The following ARHGAP6 variants were observed in gnomAD, a reference collection of about 807,000 sequenced individuals.
ARHGAP6 encodes the protein rho GTPase-activating protein 6.
Under a neutral mutation model 55.7 loss-of-function variants are expected in ARHGAP6, and 16 were observed. The observed-to-expected ratio is 0.29, with a 90% CI of 0.19 to 0.44. ARHGAP6 has a LOEUF of 0.44. Ranked by LOEUF, ARHGAP6 falls within the 20% of genes least tolerant of loss-of-function variation. The pLI is 1.00. For missense variants in ARHGAP6, 698 were observed against 808.9 expected (o/e 0.86, Z 1.66); for synonymous variants, 382 against 360.9 (o/e 1.06, Z -0.66).
At chrX:11,216,111 G>A (rs1053812162) in intron 2 of ARHGAP6, among the ~76,000 whole-genome samples, 1 of 108,786 alleles carries the variant, frequency 9.2e-6, no homozygotes, top group African/African-American at 3.4e-5. Context: ...GTATAGCGCT[G>A]CTTTAAAGCT....
intron 10 of ARHGAP6, chrX:11,145,103 A>C (rs2045671687): frequency 8.9e-6 from 1 of 112,389 alleles, no homozygotes; most frequent in Non-Finnish European, 1.9e-5. Context: ...ACCCTCCTCA[A>C]AACTGGCCCT....
chrX:11,358,428 T>C (rs1222514224), intron 1 of ARHGAP6, among the ~76,000 whole-genome samples: 1 of 98,450 alleles, frequency 1.0e-5, no homozygotes, highest in African/African-American at 3.9e-5. Context: ...ACGTTTTAAC[T>C]GTATCTTTCT....
chrX:11,469,896 G>A (rs919973393), intron 1 of ARHGAP6, among the ~76,000 whole-genome samples: 8 of 111,217 alleles, frequency 7.2e-5, no homozygotes, highest in Non-Finnish European at 1.3e-4. Context: ...AATGGGATTC[G>A]GTTCCACAGT....
intron 2 of ARHGAP6, among the ~76,000 whole-genome samples, chrX:11,224,535 A>C (rs772610379): frequency 1.1e-4 from 12 of 111,808 alleles, no homozygotes; most frequent in African/African-American, 3.3e-4. Flanking sequence ...CATAGGGATT[A>C]AGAAGTTAAA....
chrX:11,596,337 T>C (rs1223924731), intron 1 of ARHGAP6, among the ~76,000 whole-genome samples: 1 of 110,878 alleles, frequency 9.0e-6, no homozygotes, highest in South Asian at 3.9e-4. Flanking sequence ...AAACCAAACA[T>C]CGCATGTTGT....
chrX:11,350,911 CA>C (rs962920635), intron 1 of ARHGAP6, among the ~76,000 whole-genome samples: 2 of 111,148 alleles, frequency 1.8e-5, no homozygotes, highest in Admixed American at 1.9e-4. Context: ...TTCTGACCAA[CA>C]AAAAAACCTA....
chrX:11,318,686 CTAAA>C (rs1337962076), intron 1 of ARHGAP6: 2 of 113,101 alleles, frequency 1.8e-5, no homozygotes, highest in Middle Eastern at 7.3e-4. Context: ...CTGCACCAAT[CTAAA>C]TAAATTATAT....
At chrX:11,468,354 T>C (rs1451151409) in intron 1 of ARHGAP6, among the ~76,000 whole-genome samples, 1 of 112,248 alleles carries the variant, frequency 8.9e-6, no homozygotes, top group Non-Finnish European at 1.9e-5. Flanking sequence ...TTGAAGAAAT[T>C]ATGCTGAATG....
chrX:11,219,203 C>T, intron 2 of ARHGAP6, among the ~76,000 whole-genome samples: 2 of 102,955 alleles, frequency 1.9e-5, no homozygotes, highest in Admixed American at 2.1e-4. Context: ...CATGTCCCTA[C>T]AAAGGACATG....
chrX:11,515,057 G>A (rs1411235621), intron 1 of ARHGAP6, among the ~76,000 whole-genome samples: 4 of 111,541 alleles, frequency 3.6e-5, no homozygotes, highest in African/African-American at 6.5e-5. Flanking sequence ...GGAGCACAAC[G>A]TTGAAAAAGC....
intron 1 of ARHGAP6, among the ~76,000 whole-genome samples, chrX:11,390,138 T>C (rs953263797): frequency 8.9e-6 from 1 of 112,178 alleles, no homozygotes; most frequent in Non-Finnish European, 1.9e-5. Flanking sequence ...TTCAGCTTTC[T>C]ACATATGGCT....
At chrX:11,177,653 T>A (rs2046251630) in intron 8 of ARHGAP6, among the ~76,000 whole-genome samples, 1 of 111,666 alleles carries the variant, frequency 9.0e-6, no homozygotes, top group Non-Finnish European at 1.9e-5. Flanking sequence ...ATAGTGCAGA[T>A]GGGAGCTCCA....
intron 2 of ARHGAP6, among the ~76,000 whole-genome samples, chrX:11,246,104 T>C (rs959374371): frequency 9.1e-6 from 1 of 110,378 alleles, no homozygotes; most frequent in African/African-American, 3.3e-5. Flanking sequence ...GGAAAGTAGG[T>C]AGGGGTTCTA....
At chrX:11,254,110 C>T (rs1695063173) in intron 2 of ARHGAP6, among the ~76,000 whole-genome samples, 1 of 111,392 alleles carries the variant, frequency 9.0e-6, no homozygotes, top group South Asian at 3.8e-4. Flanking sequence ...GAGTTAGGTT[C>T]GGTAAAATCC....
intron 1 of ARHGAP6, among the ~76,000 whole-genome samples, chrX:11,549,499 C>A (rs1601635003): frequency 1.8e-5 from 2 of 111,931 alleles, no homozygotes; most frequent in East Asian, 5.5e-4. Flanking sequence ...TTTAGAAGCC[C>A]CAGGGGTGAA....
rs768572403 is a variant in ARHGAP6 at position 11,399,366 on chromosome X, A to G, written c.589-144659T>C. ...CACAATAAGCAATCAAAAAAAAAAA[A>G]AAAAAAAAAAACCACTGGCTTAAAT... On this transcript the variant is annotated intron_variant, in intron 1 of 12. Coordinates refer to ENST00000337414, the MANE Select transcript of ARHGAP6 (RefSeq NM_013427.3). Among the ~76,000 whole-genome samples, 5 of 108,935 alleles carry G rather than the reference A, an allele frequency of 4.6e-5. No homozygotes were observed. The East Asian group carries it at 1.4e-3, about 31-fold the overall frequency. The allele number at this position is 108,935 out of a possible 115,157, so 94.6% of individuals were successfully genotyped here.
At chrX:11,451,623 T>C (rs760130057) in intron 1 of ARHGAP6, among the ~76,000 whole-genome samples, 25 of 112,013 alleles carry the variant, frequency 2.2e-4, no homozygotes, top group Non-Finnish European at 4.1e-4. Context: ...ACTTTCAGCT[T>C]TGCTTTTGCT....
intron 1 of ARHGAP6, among the ~76,000 whole-genome samples, chrX:11,327,980 A>C (rs1650174557): frequency 8.9e-6 from 1 of 112,192 alleles, no homozygotes; most frequent in Non-Finnish European, 1.9e-5. Context: ...AAAAGCATCA[A>C]CAAAGACATT....
At chrX:11,554,351 TAG>T (rs1030654583) in intron 1 of ARHGAP6, among the ~76,000 whole-genome samples, 1 of 111,670 alleles carries the variant, frequency 9.0e-6, no homozygotes, top group African/African-American at 3.3e-5. Context: ...TACAGTTAGA[TAG>T]AGAGAATAAG....
Sources: allele counts gnomAD v4.1 joint callset (sites outside exome capture counted in the v4.1 genomes callset), GRCh38; gene constraint gnomAD v4.1.1; transcripts MANE v1.5; gene names NCBI Gene and HGNC (gene_info 2026-07-23, HGNC 2026-07-21).